Variants in GALNT18 observed in about 807,000 individuals in gnomAD.
The protein encoded by GALNT18 is polypeptide N-acetylgalactosaminyltransferase 18, also known as GalNAc-transferase 18.
In GALNT18, 44 loss-of-function variants were observed where a neutral mutation model predicts 69.5. The observed-to-expected ratio is 0.63, with a 90% confidence interval of 0.50 to 0.81. The LOEUF is 0.81. GALNT18 is among the 40% of genes least tolerant of loss of function. The pLI is 0.00. For synonymous variants in GALNT18, 364 were observed against 318.2 expected, an observed-to-expected ratio of 1.14 and a Z score of -1.53; for missense variants, 715 against 810.0, an observed-to-expected ratio of 0.88 and a Z score of 1.42.
chr11:11,580,574 C>A (rs549336935), intron 1 of GALNT18, among the ~76,000 whole-genome samples: 1 of 152,236 alleles, frequency 6.6e-6, no homozygotes, highest in Non-Finnish European at 1.5e-5. Context: ...ATGAGACCTC[C>A]GCACAGAAAT....
chr11:11,332,879 C>T lies in GALNT18; in HGVS notation c.1279-48G>A, dbSNP rs772721016. The T allele has an allele frequency of 1.2e-6, 2 of 1,600,476 alleles. No individual in the cohort carries two copies. The highest frequency in any genetic ancestry group is 2.2e-5 in the East Asian group (1 of 44,758). On this transcript the variant is annotated intron_variant, in intron 7 of 10. Coordinates refer to ENST00000227756, the MANE Select transcript of GALNT18 (RefSeq NM_198516.3). This position sits in a 1 kb window ranked among gnomAD's most constrained non-coding sequence, Gnocchi z 4.3. ...AGATGAAGCCACTCCCAGGTTGCAG[C>T]TTCTCCCCAAACTCTACTTTGGCAT... is the stretch of plus-strand genomic sequence containing the variant.
intron 1 of GALNT18, among the ~76,000 whole-genome samples, chr11:11,462,497 T>C (rs1307559732): frequency 5.9e-5 from 9 of 151,960 alleles, no homozygotes; most frequent in Admixed American, 5.9e-4. Context: ...TTCACCATGT[T>C]GGCCAGGCTG....
intron 10 of GALNT18, among the ~76,000 whole-genome samples, chr11:11,282,427 G>A (rs1331218981): frequency 2.6e-5 from 4 of 152,212 alleles, no homozygotes; most frequent in Admixed American, 2.6e-4. Context: ...AGCCCTGAGA[G>A]GTAGAGAGAA....
Position 11,271,024 on chromosome 11 carries a change from C to T in GALNT18, c.*120G>A, listed in dbSNP as rs116504661. ...AAAATTGAATAGGAAATAAAAAGCT[C>T]TTCTTGGGGGCCCACTAACCTGGTT... On this transcript the variant is annotated 3_prime_UTR_variant, in exon 11 of 11. Coordinates refer to ENST00000227756, the MANE Select transcript of GALNT18 (RefSeq NM_198516.3). 6.3e-4 allele frequency: 499 copies of T among 795,838 alleles called. 4 individuals are homozygous for T. In the African/African-American group the frequency reaches 7.8e-3, roughly 13 times the overall value. 49.3% of individuals were successfully genotyped at this position (795,838 alleles called of 1,614,324 possible).
chr11:11,577,854 G>A (rs1358947632), intron 1 of GALNT18, among the ~76,000 whole-genome samples: 1 of 152,168 alleles, frequency 6.6e-6, no homozygotes, highest in African/African-American at 2.4e-5. Context: ...GTGTGGCCAA[G>A]GCTTCCAGGA....
chr11:11,433,596 T>C (rs1213241167), intron 2 of GALNT18, among the ~76,000 whole-genome samples: 3 of 152,164 alleles, frequency 2.0e-5, no homozygotes, highest in African/African-American at 7.2e-5. Flanking sequence ...CTGAAGCCAT[T>C]TGGTGGTCTC....
chr11:11,577,313 G>A (rs1277768016), intron 1 of GALNT18, among the ~76,000 whole-genome samples: 1 of 152,132 alleles, frequency 6.6e-6, no homozygotes, highest in Admixed American at 6.6e-5. Flanking sequence ...GGGAGCCACT[G>A]AATTGCCCCA....
chr11:11,446,718 G>GC (rs1377278773), intron 2 of GALNT18, among the ~76,000 whole-genome samples: 1 of 152,174 alleles, frequency 6.6e-6, no homozygotes, highest in African/African-American at 2.4e-5. Context: ...TCCCAGCCTT[G>GC]CCCCCTCGGT....
chr11:11,321,645 C>G (rs2133039215), intron 9 of GALNT18, among the ~76,000 whole-genome samples: 1 of 152,316 alleles, frequency 6.6e-6, no homozygotes, highest in South Asian at 2.1e-4. Context: ...CTCTGTCGCT[C>G]AGGCTGGAGG....
Position 11,595,372 on chromosome 11 carries a change from G to A in GALNT18, c.235+25987C>T, listed in dbSNP as rs1859473898. The stretch of plus-strand genomic sequence containing the variant: ...GAAGTCAGGAGGCTGCAACCCAGAA[G>A]AGAGACTTCACCAGACAGAACCCCA... On this transcript the variant is annotated intron_variant, in intron 1 of 10. Coordinates refer to ENST00000227756, the MANE Select transcript of GALNT18 (RefSeq NM_198516.3). This position sits in a 1 kb window ranked among gnomAD's most constrained non-coding sequence, Gnocchi z 5.2. Among the ~76,000 whole-genome samples the A allele has an allele frequency of 6.6e-6, 1 of 152,144 alleles. No individual in the cohort carries two copies. Among genetic ancestry groups the A allele is most frequent in the African/African-American group, 2.4e-5 (1 of 41,442 alleles).
chr11:11,397,923 G>A (rs1854372641), intron 3 of GALNT18, among the ~76,000 whole-genome samples: 1 of 152,240 alleles, frequency 6.6e-6, no homozygotes, highest in Non-Finnish European at 1.5e-5. Context: ...ATGCCGGAGA[G>A]AAAGTGCAGC....
Position 11,603,675 on chromosome 11 carries a change from A to C in GALNT18, c.235+17684T>G, listed in dbSNP as rs1356579579. Reference sequence around the variant, plus strand: ...TAAAACTCATTTTCTCTCCCTAAAAAGATCTATGGATTTTATTGGATCCAG... The same window carrying C: ...TAAAACTCATTTTCTCTCCCTAAAACGATCTATGGATTTTATTGGATCCAG... On this transcript the variant is annotated intron_variant, in intron 1 of 10. Transcript: ENST00000227756. The surrounding 1 kb of genome is among the most constrained non-coding windows in gnomAD (Gnocchi z 4.5). Among the ~76,000 whole-genome samples the C allele has an allele frequency of 6.6e-6, 1 of 152,210 alleles. No homozygotes were observed. Among genetic ancestry groups the C allele is most frequent in the African/African-American group, 2.4e-5 (1 of 41,452 alleles).
intron 1 of GALNT18, among the ~76,000 whole-genome samples, chr11:11,516,114 C>T (rs1316652487): frequency 6.6e-6 from 1 of 152,140 alleles, no homozygotes; most frequent in African/African-American, 2.4e-5. Context: ...CCTTCTAGCC[C>T]CTGATCAGGC....
rs1390583848 is a variant in GALNT18, at chr11:11,396,747, C to CA, written c.596-17484dup. On this transcript the variant is annotated intron_variant, in intron 3 of 10. Transcript: ENST00000227756. This position sits in a 1 kb window ranked among gnomAD's most constrained non-coding sequence, Gnocchi z 5.2. Reference sequence around the variant, plus strand: ...GTGAGAGCTCTGGATCTCTAATCTGCAGTTGATGCTCTGACCAGATGGAGG... The same window carrying CA: ...GTGAGAGCTCTGGATCTCTAATCTGCAAGTTGATGCTCTGACCAGATGGAGG... 4.6e-5 allele frequency among the ~76,000 whole-genome samples: 7 copies of CA among 152,138 alleles called. No homozygotes were observed. The highest frequency in any genetic ancestry group is 7.4e-5 in the Non-Finnish European group (5 of 68,018).
chr11:11,612,601 C>G (rs1859936273), intron 1 of GALNT18, among the ~76,000 whole-genome samples: 1 of 152,176 alleles, frequency 6.6e-6, no homozygotes, highest in Non-Finnish European at 1.5e-5. Flanking sequence ...ATCTCAATGG[C>G]CTTTAACTCC....
intron 1 of GALNT18, among the ~76,000 whole-genome samples, chr11:11,537,660 C>A (rs1857814079): frequency 6.6e-6 from 1 of 152,138 alleles, no homozygotes; most frequent in African/African-American, 2.4e-5. Flanking sequence ...TTCCCAAAAC[C>A]CAGTCCTTGG....
chr11:11,291,954 G>C (rs1261050532), intron 10 of GALNT18, among the ~76,000 whole-genome samples: 1 of 152,178 alleles, frequency 6.6e-6, no homozygotes, highest in Non-Finnish European at 1.5e-5. Flanking sequence ...CCTTGCTACA[G>C]GGAGAGTAAC....
Position 11,356,883 on chromosome 11 carries a change from T to C in GALNT18, c.1092+15632A>G, listed in dbSNP as rs1225541229. Reference sequence around the variant, plus strand: ...TGTAGGGATTAATTTTGCACTTATCTTCACTAACCATAAAACTTTTACAAC... The same window carrying C: ...TGTAGGGATTAATTTTGCACTTATCCTCACTAACCATAAAACTTTTACAAC... On this transcript the variant is annotated intron_variant, in intron 6 of 10. Transcript: ENST00000227756. The surrounding 1 kb of genome is among the most constrained non-coding windows in gnomAD (Gnocchi z 4.4). Among the ~76,000 whole-genome samples the C allele has an allele frequency of 1.3e-5, 2 of 152,202 alleles. No homozygotes were observed. Among genetic ancestry groups the C allele is most frequent in the East Asian group, 3.8e-4 (2 of 5,200 alleles).
At position 11,377,308 on chromosome 11, in the gene GALNT18, T is replaced by C; in HGVS notation, c.851A>G (p.Lys284Arg). The C allele has an allele frequency of 6.2e-7, 1 of 1,614,072 alleles. No homozygotes were observed. ...RIISPSFDNI[K>R]YDNFEIEEYP... ...CTCTTCTATCTCAAAGTTGTCATAT[T>C]TGATGTTATCAAAGGATGGCGAGAT... The change falls in exon 5 of 11, where the codon AAA becomes AGA. Residue 284 changes from lysine (K) to arginine (R), a missense_variant. Transcript: ENST00000227756. This position sits in a 1 kb window ranked among gnomAD's most constrained non-coding sequence, Gnocchi z 4.6.
Sources: allele counts gnomAD v4.1 joint callset (sites outside exome capture counted in the v4.1 genomes callset), GRCh38; gene constraint gnomAD v4.1.1; non-coding constraint Gnocchi (gnomAD v3.1); transcripts MANE v1.5; gene names NCBI Gene and HGNC (gene_info 2026-07-23, HGNC 2026-07-21).